Variants in RBMS3 observed in about 807,000 individuals in gnomAD.
RBMS3 encodes the protein RNA binding motif single stranded interacting protein 3.
A neutral mutation model predicts 66.8 loss-of-function variants in RBMS3; 27 were observed. The ratio of observed to expected loss-of-function variants is 0.40; its 90% CI spans 0.30 to 0.56. The LOEUF (loss-of-function observed/expected upper bound fraction) is 0.56. Among genes scored for constraint, RBMS3 ranks in the 20% least tolerant of loss-of-function variants. The pLI is 0.40. For missense variants in RBMS3, 513 were observed against 549.5 expected (o/e 0.93, Z 0.66); for synonymous variants, 188 against 183.0 (o/e 1.03, Z -0.22).
At chr3:29,931,627 C>T (rs2061127918) in intron 10 of RBMS3, among the ~76,000 whole-genome samples, 2 of 110,184 alleles carry the variant, frequency 1.8e-5, no homozygotes, top group African/African-American at 6.2e-5. Flanking sequence ...ACCCTGAACC[C>T]TCATCAAAAC....
rs528335563 is a variant in RBMS3, at chr3:29,744,512, G to A, written c.557+4635G>A. The stretch of plus-strand genomic sequence containing the variant: ...TTAAAAGAATATGCCGGCTGGGCGC[G>A]GTGGCTCACACCTGTAATCCCAGCA... On this transcript the variant is annotated intron_variant, in intron 5 of 14. Coordinates refer to ENST00000383767, the MANE Select transcript of RBMS3 (RefSeq NM_001003793.3). 7.2e-5 allele frequency among the ~76,000 whole-genome samples: 11 copies of A among 152,242 alleles called. No homozygotes were observed. In the East Asian group the frequency reaches 9.7e-4, roughly 13 times the overall value.
intron 5 of RBMS3, among the ~76,000 whole-genome samples, chr3:29,761,256 C>G (rs1576725698): frequency 6.6e-6 from 1 of 152,082 alleles, no homozygotes; most frequent in Admixed American, 6.6e-5. Flanking sequence ...AAGATGCACT[C>G]TCATCACATG....
At chr3:29,613,283 C>T (rs1208819149) in intron 4 of RBMS3, among the ~76,000 whole-genome samples, 2 of 150,858 alleles carry the variant, frequency 1.3e-5, no homozygotes, top group African/African-American at 4.9e-5. Flanking sequence ...TAATGGCTGT[C>T]CTAATTGACA....
At chr3:29,410,908 A>G (rs1334064395) in intron 1 of RBMS3, among the ~76,000 whole-genome samples, 1 of 151,634 alleles carries the variant, frequency 6.6e-6, no homozygotes, top group Non-Finnish European at 1.5e-5. Context: ...TATTTTGGCA[A>G]GCTTGCCTAT....
intron 8 of RBMS3, among the ~76,000 whole-genome samples, chr3:29,891,528 T>C (rs998403896): frequency 6.6e-6 from 1 of 151,584 alleles, no homozygotes; most frequent in Non-Finnish European, 1.5e-5. Context: ...CTATTGCTCT[T>C]TTAGCAATCC....
chr3:29,918,843 C>T (rs1246362601), intron 10 of RBMS3, among the ~76,000 whole-genome samples: 1 of 151,616 alleles, frequency 6.6e-6, no homozygotes, highest in African/African-American at 2.4e-5. Flanking sequence ...TTTCAAAACC[C>T]TACATATTAA....
At chr3:29,301,085 T>C (rs1162782806) in intron 1 of RBMS3, among the ~76,000 whole-genome samples, 1 of 151,940 alleles carries the variant, frequency 6.6e-6, no homozygotes. Context: ...ATTAATTATG[T>C]AACAATGAGG....
At chr3:29,793,629 A>G (rs2057086252) in intron 6 of RBMS3, among the ~76,000 whole-genome samples, 1 of 152,250 alleles carries the variant, frequency 6.6e-6, no homozygotes, top group Admixed American at 6.5e-5. Context: ...GGCCAACTCC[A>G]ACTCTCTTTT....
chr3:29,292,307 G>T (rs1246169467), intron 1 of RBMS3, among the ~76,000 whole-genome samples: 5 of 151,702 alleles, frequency 3.3e-5, no homozygotes, highest in Non-Finnish European at 5.9e-5. Flanking sequence ...ATATGGAGGT[G>T]CAAAGTGGTC....
At position 30,004,051 on chromosome 3, in the gene RBMS3, T is replaced by A. The variant is rs1381034030; in HGVS notation, c.*189T>A. On this transcript the variant is annotated 3_prime_UTR_variant, in exon 15 of 15. Transcript: ENST00000383767. ...TTATGTGCTGTGCAAATGGTCTTCA[T>A]GTGGTCTGACAATTTATTTTTGCCA... The A allele has an allele frequency of 7.6e-6, 3 of 394,574 alleles. No homozygotes were observed. The highest frequency in any genetic ancestry group is 1.3e-5 in the Non-Finnish European group (3 of 225,664). The allele number at this position is 394,574 out of a possible 1,614,324, so 24.4% of individuals were successfully genotyped here.
intron 3 of RBMS3, among the ~76,000 whole-genome samples, chr3:29,522,643 G>T (rs139777439): frequency 7.4e-4 from 113 of 152,290 alleles, no homozygotes; most frequent in African/African-American, 2.6e-3. Context: ...TGACAGGGCT[G>T]CCAGGTGGGA....
intron 1 of RBMS3, among the ~76,000 whole-genome samples, chr3:29,305,303 T>C (rs2125454117): frequency 6.6e-6 from 1 of 152,096 alleles, no homozygotes; most frequent in South Asian, 2.1e-4. Context: ...TCTGTTTATT[T>C]TCTTACTTGT....
chr3:29,641,915 G>A (rs1406697338), intron 4 of RBMS3, among the ~76,000 whole-genome samples: 1 of 152,008 alleles, frequency 6.6e-6, no homozygotes, highest in Non-Finnish European at 1.5e-5. Context: ...CTGAAGCCAA[G>A]GGATTCTTCT....
At chr3:29,942,613 TA>T (rs1205346804) in intron 11 of RBMS3, among the ~76,000 whole-genome samples, 3 of 151,838 alleles carry the variant, frequency 2.0e-5, no homozygotes, top group Non-Finnish European at 4.4e-5. Context: ...AGAAGTATTA[TA>T]AGGCTAAAGA....
chr3:29,825,658 G>T (rs2058193276), intron 6 of RBMS3, among the ~76,000 whole-genome samples: 1 of 152,136 alleles, frequency 6.6e-6, no homozygotes, highest in South Asian at 2.1e-4. Flanking sequence ...CAGCCATGTG[G>T]AACTGTGAGT....
chr3:29,933,169 G>A (rs1212785734), intron 10 of RBMS3, among the ~76,000 whole-genome samples: 1 of 152,218 alleles, frequency 6.6e-6, no homozygotes, highest in African/African-American at 2.4e-5. Flanking sequence ...TAATGTGTTG[G>A]CAACATCTGT....
At chr3:29,396,150 A>T (rs1206624965) in intron 1 of RBMS3, among the ~76,000 whole-genome samples, 1 of 152,160 alleles carries the variant, frequency 6.6e-6, no homozygotes, top group Non-Finnish European at 1.5e-5. Context: ...GTGCCTATGG[A>T]TATGATTCTC....
intron 14 of RBMS3, among the ~76,000 whole-genome samples, chr3:29,993,309 T>G (rs1699002717): frequency 1.4e-5 from 2 of 147,724 alleles, no homozygotes; most frequent in Admixed American, 1.4e-4. Flanking sequence ...TGAAATTTTT[T>G]TTCAGCCTGG....
chr3:29,322,934 C>G (rs2125495023), intron 1 of RBMS3, among the ~76,000 whole-genome samples: 1 of 152,208 alleles, frequency 6.6e-6, no homozygotes, highest in Middle Eastern at 3.4e-3. Flanking sequence ...ACCTTTCTTG[C>G]TAGAAGTCAT....
Sources: allele counts gnomAD v4.1 joint callset (sites outside exome capture counted in the v4.1 genomes callset), GRCh38; gene constraint gnomAD v4.1.1; transcripts MANE v1.5; gene names NCBI Gene and HGNC (gene_info 2026-07-23, HGNC 2026-07-21).